The following RFWD3 variants were observed in gnomAD, a reference collection of about 807,000 sequenced individuals.
RFWD3 encodes ring finger and WD repeat domain 3, also known as E3 ubiquitin-protein ligase RFWD3.
In RFWD3, 65 loss-of-function variants were observed where a neutral mutation model predicts 87.7. That is an observed-to-expected ratio of 0.74 (90% confidence interval 0.61 to 0.91). RFWD3 has a LOEUF of 0.91. RFWD3 is among the 40% of genes least tolerant of loss of function. The pLI, the probability that RFWD3 is intolerant of heterozygous loss-of-function variation, is 0.00. For synonymous variants in RFWD3, 433 were observed against 352.8 expected (o/e 1.23, Z -2.55); for missense variants, 1,078 against 938.5 (o/e 1.15, Z -1.94).
chr16:74,653,074 C>A (rs1469300071), intron 2 of RFWD3, among the ~76,000 whole-genome samples: 1 of 152,184 alleles, frequency 6.6e-6, no homozygotes, highest in African/African-American at 2.4e-5. Context: ...TGCGATGACT[C>A]ATGTCTGTAA....
chr16:74,636,645 T>C (rs1417340037), intron 7 of RFWD3, 68 bp from the exon 8 acceptor site: 46 of 1,174,078 alleles, frequency 3.9e-5, no homozygotes, highest in Non-Finnish European at 5.4e-5. Flanking sequence ...TACAATTCCT[T>C]GATCTTTTAC....
At chr16:74,645,936 G>C (rs975020883) in intron 4 of RFWD3, among the ~76,000 whole-genome samples, 2 of 151,266 alleles carry the variant, frequency 1.3e-5, no homozygotes, top group African/African-American at 2.4e-5. Context: ...TTTTAGTAGA[G>C]ACGGGGTTTC....
intron 1 of RFWD3, among the ~76,000 whole-genome samples, chr16:74,662,150 T>A (rs182603237): frequency 1.7e-4 from 23 of 133,492 alleles, no homozygotes; most frequent in African/African-American, 3.4e-4. Context: ...AAAAAAAAAA[T>A]TTTTTTTTGT....
intron 4 of RFWD3, among the ~76,000 whole-genome samples, chr16:74,648,598 C>T (rs28681530): frequency 0.59 from 88,447 of 150,560 alleles, 27,154 homozygotes; most frequent in African/African-American, 0.77. Context: ...TGGTGAAACC[C>T]CGTCTCTAAC....
intron 7 of RFWD3, among the ~76,000 whole-genome samples, chr16:74,637,139 A>C (rs560225098): frequency 6.6e-6 from 1 of 150,892 alleles, no homozygotes; most frequent in Non-Finnish European, 1.5e-5. Context: ...AAAAAAAAAA[A>C]AAAAAACAAC....
Position 74,644,473 on chromosome 16 carries a change from ATAAT to A in RFWD3, c.988-24_988-21del. On this transcript the variant is annotated intron_variant, in intron 5 of 12. Transcript: ENST00000361070. ...GTTGCACTAAAGAACCCAATAGGAC[ATAAT>A]TAGAGTGGTTCTAGGAATCTGCCTG... The A allele has an allele frequency of 6.2e-7, 1 of 1,614,218 alleles. No homozygotes were observed. Among genetic ancestry groups the A allele is most frequent in the Non-Finnish European group, 8.5e-7 (1 of 1,180,016 alleles).
At chr16:74,654,973 A>C (rs1435802844) in intron 2 of RFWD3, among the ~76,000 whole-genome samples, 1 of 152,254 alleles carries the variant, frequency 6.6e-6, no homozygotes, top group East Asian at 1.9e-4. Context: ...ATGAGGTTTA[A>C]GAAAAGATAC....
At chr16:74,641,547 A>G (rs1959647675) in intron 6 of RFWD3, among the ~76,000 whole-genome samples, 1 of 152,180 alleles carries the variant, frequency 6.6e-6, no homozygotes, top group South Asian at 2.1e-4. Context: ...ATCAACTAGG[A>G]TATACTCCCA....
chr16:74,651,584 C>T (rs1035124944), intron 3 of RFWD3, among the ~76,000 whole-genome samples: 1 of 152,090 alleles, frequency 6.6e-6, no homozygotes, highest in Non-Finnish European at 1.5e-5. Flanking sequence ...GTTGTCGCTG[C>T]ACTCCAGTTG....
intron 2 of RFWD3, chr16:74,660,617 TA>T (rs759304953): frequency 3.9e-6 from 1 of 253,338 alleles, no homozygotes; most frequent in Non-Finnish European, 7.6e-6. Context: ...TGCCAGTGAA[TA>T]ATGAATTTGG....
chr16:74,645,745 C>CTTTTTTTTTTTTT, intron 4 of RFWD3, among the ~76,000 whole-genome samples: 1 of 74,212 alleles, frequency 1.3e-5, no homozygotes, highest in Non-Finnish European at 2.3e-5. Context: ...CAAATATTTT[C>CTTTTTTTTTTTTT]TTTTTTTTTT....
At chr16:74,639,526 G>A (rs1959452947) in intron 6 of RFWD3, among the ~76,000 whole-genome samples, 1 of 152,136 alleles carries the variant, frequency 6.6e-6, no homozygotes, top group South Asian at 2.1e-4. Flanking sequence ...AAAGACACAA[G>A]AAAACAGTGA....
chr16:74,665,034 T>G (rs1357276299), intron 1 of RFWD3, among the ~76,000 whole-genome samples: 1 of 152,318 alleles, frequency 6.6e-6, no homozygotes, highest in East Asian at 1.9e-4. Flanking sequence ...TGAGCGGTGC[T>G]TAAAATGTCA....
intron 3 of RFWD3, 90 bp from the exon 4 acceptor site, chr16:74,649,292 C>T: frequency 1.2e-6 from 1 of 845,380 alleles, no homozygotes; most frequent in Non-Finnish European, 1.8e-6. Context: ...GAGCCTGACT[C>T]ACTACAGCTT....
At chr16:74,659,847 T>C (rs936194737) in intron 2 of RFWD3, among the ~76,000 whole-genome samples, 3 of 152,188 alleles carry the variant, frequency 2.0e-5, no homozygotes, top group Admixed American at 6.5e-5. Context: ...ACATGGGTAA[T>C]AGATGACCTA....
intron 3 of RFWD3, among the ~76,000 whole-genome samples, chr16:74,651,227 TTAAATA>T (rs1960537849): frequency 1.3e-5 from 2 of 152,170 alleles, no homozygotes; most frequent in African/African-American, 4.8e-5. Flanking sequence ...CCTACGACTA[TTAAATA>T]AAGTTCCACT....
At chr16:74,652,528 C>A (rs1236631034) in intron 2 of RFWD3, among the ~76,000 whole-genome samples, 1 of 152,146 alleles carries the variant, frequency 6.6e-6, no homozygotes, top group African/African-American at 2.4e-5. Flanking sequence ...TGCAGTCACC[C>A]AGACCAAGGT....
rs1958945289 is a variant in RFWD3 at position 74,626,665 on chromosome 16, C to A, written c.1970-111G>T. ...TAGTTGGATGGAAAAGCCATAAATG[C>A]ATTAAACCATCAAGAACAGTTACAA... On this transcript the variant is annotated intron_variant, in intron 11 of 12. Coordinates refer to ENST00000361070, the MANE Select transcript of RFWD3 (RefSeq NM_018124.4). 8.2e-6 allele frequency: 6 copies of A among 731,814 alleles called. No homozygotes were observed. In the South Asian group the frequency reaches 8.8e-5, roughly 11 times the overall value. 45.3% of individuals were successfully genotyped at this position (731,814 alleles called of 1,614,324 possible).
At chr16:74,658,908 C>CA (rs1375774772) in intron 2 of RFWD3, among the ~76,000 whole-genome samples, 4 of 152,074 alleles carry the variant, frequency 2.6e-5, no homozygotes, top group African/African-American at 9.7e-5. Context: ...GCTGGGACCA[C>CA]AGGTGTGTGC....
Sources: allele counts gnomAD v4.1 joint callset (sites outside exome capture counted in the v4.1 genomes callset), GRCh38; gene constraint gnomAD v4.1.1; transcripts MANE v1.5; gene names NCBI Gene and HGNC (gene_info 2026-07-23, HGNC 2026-07-21).